PFKFB3: variants seen among roughly 807,000 people sequenced by gnomAD.
The protein encoded by PFKFB3 is 6-phosphofructo-2-kinase/fructose-2,6-bisphosphatase 3.
PFKFB3 carries 33 observed loss-of-function variants against 68.0 expected under a neutral mutation model. The ratio of observed to expected loss-of-function variants is 0.49; its 90% CI spans 0.37 to 0.65. PFKFB3 has a LOEUF of 0.65. Among genes scored for constraint, PFKFB3 ranks in the 30% least tolerant of loss-of-function variants. PFKFB3 has a pLI of 0.00. For synonymous variants in PFKFB3, 315 were observed against 288.2 expected, an observed-to-expected ratio of 1.09 and a Z score of -0.94; for missense variants, 586 against 712.2, an observed-to-expected ratio of 0.82 and a Z score of 2.02.
chr10:6,297,250 G>A, the PFKFB3 span, among the ~76,000 whole-genome samples: 1 of 152,228 alleles, frequency 6.6e-6, no homozygotes, highest in African/African-American at 2.4e-5. Flanking sequence ...TGCCTTGATT[G>A]ATGTGCACAG....
chr10:6,164,445 G>T (rs1284745975), intron 1 of PFKFB3, among the ~76,000 whole-genome samples: 1 of 152,198 alleles, frequency 6.6e-6, no homozygotes, highest in African/African-American at 2.4e-5. Context: ...GGCAGGACTG[G>T]GCACACTTGA....
Position 6,221,503 on chromosome 10 carries a change from G to C in PFKFB3, c.954G>C (p.Trp318Cys). Residue 318 changes from tryptophan to cysteine, a missense_variant, in exon 9 of 15, where the codon TGG becomes TGC. By Grantham distance (215) the Trp-to-Cys change is radical. Coordinates refer to ENST00000379775, the MANE Select transcript of PFKFB3 (RefSeq NM_004566.4). ...CGCTGCGGCTGCCCTACGAGCAGTG[G>C]AAGGCGCTCAATGAGATCGACGCGG... is the stretch of plus-strand genomic sequence containing the variant. ...AEALRLPYEQ[W>C]KALNEIDAGV... 1 of 1,613,410 alleles carries C rather than the reference G, an allele frequency of 6.2e-7. No individual in the cohort carries two copies. Among genetic ancestry groups the C allele is most frequent in the South Asian group, 1.1e-5 (1 of 91,086 alleles).
chr10:6,271,043 T>C, the PFKFB3 span, among the ~76,000 whole-genome samples: 1 of 152,256 alleles, frequency 6.6e-6, no homozygotes, highest in Non-Finnish European at 1.5e-5. Flanking sequence ...AGGAACAGAT[T>C]ATTGAAATTG....
intron 8 of PFKFB3, 74 bp from the exon 9 acceptor site, chr10:6,221,307 T>G: frequency 1.9e-6 from 3 of 1,574,724 alleles, no homozygotes; most frequent in Non-Finnish European, 2.6e-6. Context: ...CTACGTGGGC[T>G]GCCTGCTCCA....
At chr10:6,166,216 A>G (rs1039317145) in intron 1 of PFKFB3, among the ~76,000 whole-genome samples, 1 of 152,088 alleles carries the variant, frequency 6.6e-6, no homozygotes. Flanking sequence ...ACCTGAGCTC[A>G]GGTGATCCGC....
the PFKFB3 span, among the ~76,000 whole-genome samples, chr10:6,265,228 A>G: frequency 1.3e-5 from 2 of 151,620 alleles, no homozygotes; most frequent in Non-Finnish European, 2.9e-5. Flanking sequence ...CTACAGGTGC[A>G]TGCCACCATG....
At chr10:6,244,851 C>T (rs78132397) in intron 14 of PFKFB3, among the ~76,000 whole-genome samples, 2,954 of 152,106 alleles carry the variant, frequency 0.019, 33 homozygotes, top group Non-Finnish European at 0.03. Flanking sequence ...ATTAATGGCC[C>T]GAGATTGTGC....
intron 1 of PFKFB3, among the ~76,000 whole-genome samples, chr10:6,177,490 C>CTTTCTTT (rs1564600059): frequency 1.0e-4 from 2 of 19,374 alleles, no homozygotes; most frequent in Middle Eastern, 0.028. Context: ...CTTTCTTTTT[C>CTTTCTTT]TTTTCTTTCT....
At position 6,220,891 on chromosome 10, in the gene PFKFB3, C is replaced by T. The variant is rs546270043; in HGVS notation, c.831+26C>T. The T allele has an allele frequency of 1.7e-5, 28 of 1,601,414 alleles. No homozygotes were observed. The highest frequency in any genetic ancestry group is 4.0e-5 in the African/African-American group (3 of 74,870). On this transcript the variant is annotated intron_variant, in intron 8 of 14. Transcript: ENST00000379775. This position sits in a 1 kb window ranked among gnomAD's most constrained non-coding sequence, Gnocchi z 4.1. Reference sequence around the variant, plus strand: ...GTGCGGGGTGTGCTGCCGCATGGGCCGTTCTGGCTGTAGGGCGGTTGCAGG... The same window carrying T: ...GTGCGGGGTGTGCTGCCGCATGGGCTGTTCTGGCTGTAGGGCGGTTGCAGG...
rs1040002616 is a variant in PFKFB3 at position 6,234,699 on chromosome 10, G to A, written c.*1757G>A. ...TGTGCTTAACTTGGTTGTATTTTTCGATTTGACATGGAAGGCCTGTTGCTT... is the reference window on the plus strand; with the variant it reads ...TGTGCTTAACTTGGTTGTATTTTTCAATTTGACATGGAAGGCCTGTTGCTT... On this transcript the variant is annotated 3_prime_UTR_variant, in exon 15 of 15. Transcript: ENST00000379775. The A allele has an allele frequency of 1.9e-4, 29 of 152,354 alleles. No individual in the cohort carries two copies. The highest frequency in any genetic ancestry group is 5.1e-4 in the African/African-American group (21 of 41,520). 9.4% of individuals were successfully genotyped at this position (152,354 alleles called of 1,614,324 possible).
At chr10:6,241,964 G>GC (rs956089426) in intron 14 of PFKFB3, among the ~76,000 whole-genome samples, 2 of 151,464 alleles carry the variant, frequency 1.3e-5, no homozygotes, top group Admixed American at 6.6e-5. Flanking sequence ...TCCCACCTCA[G>GC]CCCCCCGAGT....
chr10:6,209,865 C>T (rs1297628924), intron 1 of PFKFB3, among the ~76,000 whole-genome samples: 12 of 150,664 alleles, frequency 8.0e-5, no homozygotes, highest in Non-Finnish European at 1.5e-5. Context: ...CCCAGGTTCA[C>T]GCCATTCTCC....
upstream of PFKFB3, among the ~76,000 whole-genome samples, chr10:6,198,631 T>A (rs1201243060): frequency 6.6e-6 from 1 of 152,178 alleles, no homozygotes; most frequent in Non-Finnish European, 1.5e-5. Flanking sequence ...TACAGGTGTG[T>A]ACCACCACAC....
the PFKFB3 span, among the ~76,000 whole-genome samples, chr10:6,287,320 C>T: frequency 6.6e-6 from 1 of 152,098 alleles, no homozygotes; most frequent in Non-Finnish European, 1.5e-5. Context: ...GAACTCCTGA[C>T]CTCAAGTGAC....
chr10:6,286,127 A>G, the PFKFB3 span, among the ~76,000 whole-genome samples: 9 of 151,000 alleles, frequency 6.0e-5, no homozygotes, highest in Non-Finnish European at 8.9e-5. Context: ...ACAGGCACCC[A>G]CCACCACGTC....
rs547839042 is a variant in PFKFB3 at position 6,203,727 on chromosome 10, C to G, written c.76+391C>G. Among the ~76,000 whole-genome samples, 3 of 152,272 alleles carry G rather than the reference C, an allele frequency of 2.0e-5. No individual in the cohort carries two copies. The East Asian group carries it at 5.8e-4, about 29-fold the overall frequency. ...TCGCGCCTCCGCCCCTTTTCACCGTCCGGATCTCCTCTCTCTGCATGTTTC... is the reference window on the plus strand; with the variant it reads ...TCGCGCCTCCGCCCCTTTTCACCGTGCGGATCTCCTCTCTCTGCATGTTTC... On this transcript the variant is annotated intron_variant, in intron 1 of 14. Coordinates refer to ENST00000379775, the MANE Select transcript of PFKFB3 (RefSeq NM_004566.4).
At chr10:6,178,360 C>T (rs556689109) in intron 1 of PFKFB3, among the ~76,000 whole-genome samples, 1 of 143,210 alleles carries the variant, frequency 7.0e-6, no homozygotes, top group Admixed American at 6.8e-5. Flanking sequence ...AATGCCCTGT[C>T]CTCTTGGGGA....
chr10:6,156,602 G>A (rs1841807389), intron 1 of PFKFB3, among the ~76,000 whole-genome samples: 1 of 151,886 alleles, frequency 6.6e-6, no homozygotes, highest in Non-Finnish European at 1.5e-5. Context: ...CTGCCTCCCA[G>A]ATTTTAAGTG....
At chr10:6,293,815 T>A in the PFKFB3 span, 1 of 407,606 alleles carries the variant, frequency 2.5e-6, no homozygotes, top group Non-Finnish European at 5.0e-6. Flanking sequence ...GTTTTCACCA[T>A]TGATTTGGAG....
Sources: gnomAD v4.1 joint callset for allele counts (sites outside exome capture counted in the v4.1 genomes callset) on GRCh38, gnomAD v4.1.1 for gene constraint, Gnocchi (gnomAD v3.1) non-coding constraint, MANE v1.5 for transcripts, NCBI Gene and HGNC (gene_info 2026-07-23, HGNC 2026-07-21) for gene names.